CPEB4: variants seen among roughly 807,000 people sequenced by gnomAD.
CPEB4 encodes the protein cytoplasmic polyadenylation element-binding protein 4.
In CPEB4, 12 loss-of-function variants were observed where a neutral mutation model predicts 72.5. The observed-to-expected ratio is 0.17, with a 90% CI of 0.11 to 0.27. CPEB4 has a LOEUF of 0.27. CPEB4 is among the 10% of genes least tolerant of loss of function. CPEB4 has a pLI of 1.00. For missense variants in CPEB4, 614 were observed against 908.5 expected, an observed-to-expected ratio of 0.68 and a Z score of 4.17; for synonymous variants, 302 against 326.3, an observed-to-expected ratio of 0.93 and a Z score of 0.80.
chr5:173,957,798 C>A lies in CPEB4; in HGVS notation c.*1661C>A, dbSNP rs1022081908. 2 of 152,748 alleles carry A rather than the reference C, an allele frequency of 1.3e-5. No homozygotes were observed. The highest frequency in any genetic ancestry group is 2.9e-5 in the Non-Finnish European group (2 of 68,046). 9.5% of individuals were successfully genotyped at this position (152,748 alleles called of 1,614,324 possible). ...TGCTGTGGAACCACCTGGCTTATGACCCCTATGGATGATCTTTAGGAAAAG... is the reference window on the plus strand; with the variant it reads ...TGCTGTGGAACCACCTGGCTTATGAACCCTATGGATGATCTTTAGGAAAAG... On this transcript the variant is annotated 3_prime_UTR_variant, in exon 10 of 10. Coordinates refer to ENST00000265085, the MANE Select transcript of CPEB4 (RefSeq NM_030627.4).
chr5:173,890,001 C>A lies in CPEB4; in HGVS notation c.268C>A (p.Pro90Thr), dbSNP rs1238095505. Residue 90 changes from proline (P) to threonine (T), a missense_variant, in exon 1 of 10, where the codon CCC (proline) becomes ACC (threonine). By Grantham distance (38) the Pro-to-Thr change is conservative. Coordinates refer to ENST00000265085, the MANE Select transcript of CPEB4 (RefSeq NM_030627.4). ...AKSQQQEQQD[P>T]LEKQQLSPSP... ...AAGTCAGCAACAGGAACAGCAAGAC[C>A]CCTTAGAAAAGCAGCAGCTTTCCCC... 1 of 1,614,142 alleles carries A rather than the reference C, an allele frequency of 6.2e-7. No homozygotes were observed. The highest frequency in any genetic ancestry group is 1.3e-5 in the African/African-American group (1 of 75,012).
chr5:173,930,194 A>G lies in CPEB4; in HGVS notation c.1208-2256A>G, dbSNP rs184464512. Among the ~76,000 whole-genome samples, 491 of 152,184 alleles carry G rather than the reference A, an allele frequency of 3.2e-3. 3 individuals are homozygous for G. The highest frequency in any genetic ancestry group is 4.4e-3 in the Non-Finnish European group (296 of 68,008). On this transcript the variant is annotated intron_variant, in intron 2 of 9. Coordinates refer to ENST00000265085, the MANE Select transcript of CPEB4 (RefSeq NM_030627.4). ...CTCAGCCTCCCCAGTAGCTGGGTTGATTACAAGCGTGCACCACCACGCCTG... is the reference window on the plus strand; with the variant it reads ...CTCAGCCTCCCCAGTAGCTGGGTTGGTTACAAGCGTGCACCACCACGCCTG...
chr5:173,903,522 C>T (rs770617721), intron 1 of CPEB4, among the ~76,000 whole-genome samples: 2 of 152,106 alleles, frequency 1.3e-5, no homozygotes, highest in Non-Finnish European at 2.9e-5. Context: ...TGGACACGAC[C>T]CATGCTGAAT....
chr5:173,908,805 C>T (rs933619362), intron 1 of CPEB4, among the ~76,000 whole-genome samples: 1 of 152,074 alleles, frequency 6.6e-6, no homozygotes, highest in African/African-American at 2.4e-5. Context: ...AAAATAAAGT[C>T]AAAGCTTTGA....
intron 5 of CPEB4, among the ~76,000 whole-genome samples, chr5:173,948,038 G>A (rs930958535): frequency 6.6e-6 from 1 of 152,088 alleles, no homozygotes; most frequent in African/African-American, 2.4e-5. Context: ...CAATTTTGGG[G>A]ACAAATTGAG....
intron 2 of CPEB4, among the ~76,000 whole-genome samples, chr5:173,929,981 A>G (rs1757382825): frequency 6.6e-6 from 1 of 152,072 alleles, no homozygotes; most frequent in South Asian, 2.1e-4. Flanking sequence ...AAATCTCTAT[A>G]TATGTTCCAT....
At chr5:173,909,865 T>A (rs1756579205) in intron 1 of CPEB4, among the ~76,000 whole-genome samples, 1 of 151,818 alleles carries the variant, frequency 6.6e-6, no homozygotes. Context: ...CCGGGTTTGG[T>A]GGCGGGTGCC....
chr5:173,901,290 C>T (rs1756222463), intron 1 of CPEB4, among the ~76,000 whole-genome samples: 1 of 152,156 alleles, frequency 6.6e-6, no homozygotes, highest in African/African-American at 2.4e-5. Context: ...AGGTAATACA[C>T]TGAAGACATT....
chr5:173,935,911 A>G (rs921286055), intron 3 of CPEB4, among the ~76,000 whole-genome samples: 32 of 152,182 alleles, frequency 2.1e-4, no homozygotes, highest in African/African-American at 5.3e-4. Flanking sequence ...TCGATCATCA[A>G]TTTCCTACAG....
chr5:173,941,750 C>A (rs905885450), intron 3 of CPEB4, among the ~76,000 whole-genome samples: 2 of 152,120 alleles, frequency 1.3e-5, no homozygotes, highest in African/African-American at 4.8e-5. Context: ...TGGTGGCACA[C>A]CCCTGTGGTA....
chr5:173,924,237 C>T (rs1223836193), intron 2 of CPEB4, among the ~76,000 whole-genome samples: 2 of 152,102 alleles, frequency 1.3e-5, no homozygotes, highest in Admixed American at 1.3e-4. Flanking sequence ...TGAAGATCCT[C>T]TCTGGTTTTA....
At position 173,938,076 on chromosome 5, in the gene CPEB4, A is replaced by G. The variant is rs77034047; in HGVS notation, c.1259-4950A>G. Among the ~76,000 whole-genome samples, 871 of 152,278 alleles carry G rather than the reference A, an allele frequency of 5.7e-3. 8 individuals are homozygous for G. Among genetic ancestry groups the G allele is most frequent in the African/African-American group, 0.019 (808 of 41,562 alleles). ...ATTGTGTCTGCTTTTTGGTTCTACC[A>G]TCTTTATTCTTTTGTTCACAGATTA... On this transcript the variant is annotated intron_variant, in intron 3 of 9. Coordinates refer to ENST00000265085, the MANE Select transcript of CPEB4 (RefSeq NM_030627.4).
chr5:173,920,765 G>A (rs895337559), intron 2 of CPEB4, among the ~76,000 whole-genome samples: 3 of 152,204 alleles, frequency 2.0e-5, no homozygotes, highest in Non-Finnish European at 4.4e-5. Flanking sequence ...TTTTTATGGT[G>A]TAATGACTGA....
Position 173,950,226 on chromosome 5 carries a change from A to C in CPEB4, c.1665+148A>C. On this transcript the variant is annotated intron_variant, in intron 7 of 9. Transcript: ENST00000265085. The surrounding 1 kb of genome is among the most constrained non-coding windows in gnomAD (Gnocchi z 5.0). ...AAGTAGTCTTGTTGTGAAGTTCTTA[A>C]CATTGACATTCTGTGTATTTGCACA... 1 of 536,680 alleles carries C rather than the reference A, an allele frequency of 1.9e-6. No homozygotes were observed. Among genetic ancestry groups the C allele is most frequent in the Non-Finnish European group, 3.3e-6 (1 of 305,120 alleles). The allele number at this position is 536,680 out of a possible 1,614,324, so 33.2% of individuals were successfully genotyped here. A position where few individuals can be genotyped will look rare whatever the true frequency, so the allele number is the denominator to read the frequency against.
rs897527883 is a variant in CPEB4 at position 173,944,517 on chromosome 5, A to G, written c.1283-450A>G. ...AAATTGACTTGTTCATTTTAAGCACATTCTTAGAGGAAACTGTGCAGGCTA... is the reference window on the plus strand; with the variant it reads ...AAATTGACTTGTTCATTTTAAGCACGTTCTTAGAGGAAACTGTGCAGGCTA... On this transcript the variant is annotated intron_variant, in intron 4 of 9. Transcript: ENST00000265085. Among the ~76,000 whole-genome samples the G allele has an allele frequency of 7.2e-5, 11 of 151,774 alleles. No individual in the cohort carries two copies. The Middle Eastern group carries it at 0.031, about 425-fold the overall frequency.
At chr5:173,905,281 A>AT (rs981936317) in intron 1 of CPEB4, among the ~76,000 whole-genome samples, 3 of 151,196 alleles carry the variant, frequency 2.0e-5, no homozygotes, top group Non-Finnish European at 2.9e-5. Flanking sequence ...TTTTAAGTAG[A>AT]TTTTTTTTGA....
chr5:173,890,307 C>A lies in CPEB4; in HGVS notation c.574C>A (p.Gln192Lys), dbSNP rs200440032. The A allele has an allele frequency of 6.2e-7, 1 of 1,614,086 alleles. No individual in the cohort carries two copies. The highest frequency in any genetic ancestry group is 8.5e-7 in the Non-Finnish European group (1 of 1,179,998). ...IINEDASFFH[Q>K]GGVPAASANN... ...CAATGAAGATGCAAGTTTCTTTCAC[C>A]AGGGAGGGGTCCCTGCTGCTTCGGC... Residue 192 changes from glutamine (Q) to lysine (K), a missense_variant, in exon 1 of 10, where the codon CAG becomes AAG. By Grantham distance (53) the Gln-to-Lys change is moderately conservative. This residue lies in a region of CPEB4 where 458 missense variants were observed against 548.6 expected (regional missense o/e 0.83). Coordinates refer to ENST00000265085, the MANE Select transcript of CPEB4 (RefSeq NM_030627.4).
Position 173,890,506 on chromosome 5 carries a change from C to G in CPEB4, c.773C>G (p.Pro258Arg), listed in dbSNP as rs200394895. ...QQRRSPASPH[P>R]PPFTHRNAAF... ...AGGAGGTCTCCTGCCAGTCCCCATC[C>G]CCCACCCTTCACACATAGAAATGCT... Residue 258 changes from proline (P) to arginine (R), a missense_variant, in exon 1 of 10, where the codon CCC becomes CGC. Pro to Arg is a moderately radical substitution (Grantham distance 103). Coordinates refer to ENST00000265085, the MANE Select transcript of CPEB4 (RefSeq NM_030627.4). 1 of 1,613,294 alleles carries G rather than the reference C, an allele frequency of 6.2e-7. No homozygotes were observed. The highest frequency in any genetic ancestry group is 2.2e-5 in the East Asian group (1 of 44,874).
At position 173,950,267 on chromosome 5, in the gene CPEB4, G is replaced by A. The variant is rs890058840; in HGVS notation, c.1665+189G>A. ...TATTTGCACATCTCAATTTGACATC[G>A]AATTTTTGGTTAGTTGAAATATAAT... On this transcript the variant is annotated intron_variant, in intron 7 of 9. Transcript: ENST00000265085. The surrounding 1 kb of genome is among the most constrained non-coding windows in gnomAD (Gnocchi z 5.0). Among the ~76,000 whole-genome samples, 5 of 152,128 alleles carry A rather than the reference G, an allele frequency of 3.3e-5. No individual in the cohort carries two copies. The highest frequency in any genetic ancestry group is 7.2e-5 in the African/African-American group (3 of 41,406).
Sources: allele counts gnomAD v4.1 joint callset (sites outside exome capture counted in the v4.1 genomes callset), GRCh38; gene constraint gnomAD v4.1.1; regional missense constraint gnomAD v4.1.1; non-coding constraint Gnocchi (gnomAD v3.1); transcripts MANE v1.5; gene names NCBI Gene and HGNC (gene_info 2026-07-23, HGNC 2026-07-21).